The following ERGIC1 variants were observed in gnomAD, a reference collection of about 807,000 sequenced individuals.
ERGIC1 encodes the protein endoplasmic reticulum-Golgi intermediate compartment protein 1.
A neutral mutation model predicts 38.3 loss-of-function variants in ERGIC1; 19 were observed. The observed-to-expected ratio is 0.50, with a 90% confidence interval of 0.35 to 0.73. The LOEUF (loss-of-function observed/expected upper bound fraction) is 0.73, where lower values mean the gene tolerates loss of function less well. Among genes scored for constraint, ERGIC1 ranks in the 30% least tolerant of loss-of-function variants. ERGIC1 has a pLI of 0.01. For synonymous variants in ERGIC1, 124 were observed against 157.6 expected, an observed-to-expected ratio of 0.79 and a Z score of 1.60; for missense variants, 294 against 389.2, an observed-to-expected ratio of 0.76 and a Z score of 2.06.
chr5:172,842,941 C>A (rs530868903), intron 1 of ERGIC1, among the ~76,000 whole-genome samples: 1 of 152,206 alleles, frequency 6.6e-6, no homozygotes, highest in Admixed American at 6.5e-5. Context: ...GTCAGGAGTT[C>A]GAGACCAACC....
At chr5:172,854,886 GT>G (rs1344303641) in intron 1 of ERGIC1, among the ~76,000 whole-genome samples, 2 of 152,220 alleles carry the variant, frequency 1.3e-5, no homozygotes, top group Admixed American at 1.3e-4. Context: ...CTTAAGTCTT[GT>G]TTATATCCAT....
chr5:172,897,570 T>C (rs1243480631), intron 3 of ERGIC1, among the ~76,000 whole-genome samples: 1 of 152,212 alleles, frequency 6.6e-6, no homozygotes, highest in Admixed American at 6.5e-5. Context: ...AAAGTGAATA[T>C]TGCCTTGTTA....
Position 172,834,546 on chromosome 5 carries a change from C to T in ERGIC1, c.20+113C>T. 3 of 1,061,786 alleles carry T rather than the reference C, an allele frequency of 2.8e-6. No individual in the cohort carries two copies. The highest frequency in any genetic ancestry group is 2.4e-6 in the Non-Finnish European group (2 of 838,028). The allele number at this position is 1,061,786 out of a possible 1,614,324, so 65.8% of individuals were successfully genotyped here. ...TGCAAAAGCGGCTCCCCGCCCTGTG[C>T]ATGCCTCCGCAGGCCCCTAGGGACC... is the stretch of plus-strand genomic sequence containing the variant. On this transcript the variant is annotated intron_variant, in intron 1 of 9. Coordinates refer to ENST00000393784, the MANE Select transcript of ERGIC1 (RefSeq NM_001031711.3). This position sits in a 1 kb window ranked among gnomAD's most constrained non-coding sequence, Gnocchi z 4.1.
At chr5:172,910,654 A>G (rs1763183191) in intron 4 of ERGIC1, among the ~76,000 whole-genome samples, 1 of 151,388 alleles carries the variant, frequency 6.6e-6, no homozygotes, top group African/African-American at 2.4e-5. Flanking sequence ...CCTCCCGAGT[A>G]GCTGGGATTA....
intron 1 of ERGIC1, among the ~76,000 whole-genome samples, chr5:172,862,924 C>A (rs1398586949): frequency 1.3e-5 from 2 of 152,216 alleles, no homozygotes; most frequent in Non-Finnish European, 2.9e-5. Context: ...AAAGTTCTAG[C>A]ACAGAGCTAT....
In ERGIC1 at chr5:172,855,797, C is replaced by T. The variant is rs1295888356; in HGVS notation, c.20+21364C>T. ...CCCTGTCCTCAGCATAGAGAGGCCA[C>T]GCCTTGTGTTGGGGAGCCAGGTTCC... On this transcript the variant is annotated intron_variant, in intron 1 of 9. Coordinates refer to ENST00000393784, the MANE Select transcript of ERGIC1 (RefSeq NM_001031711.3). 2.6e-5 allele frequency among the ~76,000 whole-genome samples: 4 copies of T among 152,184 alleles called. No individual in the cohort carries two copies. The East Asian group carries it at 5.8e-4, about 22-fold the overall frequency.
chr5:172,948,346 CTA>C (rs964517586), intron 9 of ERGIC1, among the ~76,000 whole-genome samples: 22 of 152,330 alleles, frequency 1.4e-4, no homozygotes, highest in African/African-American at 5.1e-4. Flanking sequence ...CTCGCCTTTG[CTA>C]TGTCTCCCAG....
intron 1 of ERGIC1, among the ~76,000 whole-genome samples, chr5:172,839,232 C>T (rs1182338988): frequency 7.5e-6 from 1 of 132,660 alleles, no homozygotes; most frequent in South Asian, 2.5e-4. Context: ...CAGAGCGAGA[C>T]TCTGTCTCAA....
chr5:172,914,839 G>A lies in ERGIC1; in HGVS notation c.375+1G>A. 3 of 1,614,132 alleles carry A rather than the reference G, an allele frequency of 1.9e-6. No homozygotes were observed. Among genetic ancestry groups the A allele is most frequent in the Non-Finnish European group, 2.5e-6 (3 of 1,180,012 alleles). On this transcript the variant is annotated splice_donor_variant, in intron 5 of 9. Coordinates refer to ENST00000393784, the MANE Select transcript of ERGIC1 (RefSeq NM_001031711.3). LOFTEE classifies it high-confidence loss of function. Reference sequence around the variant, plus strand: ...CGAGGGGCAGTTCAGCATCAACAAGGTATGGAAGCCCTGCCTCAGCCCTTT... The same window carrying A: ...CGAGGGGCAGTTCAGCATCAACAAGATATGGAAGCCCTGCCTCAGCCCTTT...
In ERGIC1 at chr5:172,837,809, G is replaced by A. The variant is rs1761071488; in HGVS notation, c.20+3376G>A. Among the ~76,000 whole-genome samples the A allele has an allele frequency of 6.6e-6, 1 of 152,236 alleles. No individual in the cohort carries two copies. The highest frequency in any genetic ancestry group is 1.5e-5 in the Non-Finnish European group (1 of 68,038). ...ACTAATGGCTGGCTGTTGCAGTTGT[G>A]GAACTAGCCTTGTGACCCACATCCG... On this transcript the variant is annotated intron_variant, in intron 1 of 9. Transcript: ENST00000393784. This position sits in a 1 kb window ranked among gnomAD's most constrained non-coding sequence, Gnocchi z 4.3.
chr5:172,875,150 G>A (rs1368182453), intron 1 of ERGIC1, among the ~76,000 whole-genome samples: 2 of 152,136 alleles, frequency 1.3e-5, no homozygotes, highest in African/African-American at 2.4e-5. Context: ...CTATCTATAA[G>A]GGTGCTTTTT....
rs556360557 is a variant in ERGIC1, at chr5:172,834,587, C to T, written c.20+154C>T. On this transcript the variant is annotated intron_variant, in intron 1 of 9. Transcript: ENST00000393784. This position sits in a 1 kb window ranked among gnomAD's most constrained non-coding sequence, Gnocchi z 4.1. ...CCTAGGGACCCCAGGCGAGCCCCCC[C>T]CCTGCCGCACACGAAGCCAGCCAGA... 7.5e-6 allele frequency among the ~76,000 whole-genome samples: 1 copy of T among 132,944 alleles called. No homozygotes were observed. Among genetic ancestry groups the T allele is most frequent in the Non-Finnish European group, 1.6e-5 (1 of 60,656 alleles). 87.2% of individuals were successfully genotyped at this position (132,944 alleles called of 152,430 possible).
At chr5:172,915,245 G>C (rs572937009) in intron 5 of ERGIC1, 1 of 595,274 alleles carries the variant, frequency 1.7e-6, no homozygotes, top group Admixed American at 3.0e-5. Flanking sequence ...GTTTGTGTGG[G>C]GATTAAATGA....
At chr5:172,879,877 C>A (rs72811980) in intron 1 of ERGIC1, among the ~76,000 whole-genome samples, 2,237 of 152,246 alleles carry the variant, frequency 0.015, 33 homozygotes, top group Non-Finnish European at 0.024. Flanking sequence ...TTTAGCAGTA[C>A]CCCTGGCCTC....
intron 5 of ERGIC1, chr5:172,916,053 A>G (rs1029998563): frequency 1.7e-5 from 3 of 178,782 alleles, no homozygotes; most frequent in African/African-American, 7.2e-5. Flanking sequence ...CCTGGCACCA[A>G]TGGGCAGTGT....
At chr5:172,841,784 G>C (rs1761167462) in intron 1 of ERGIC1, among the ~76,000 whole-genome samples, 1 of 152,112 alleles carries the variant, frequency 6.6e-6, no homozygotes, top group Non-Finnish European at 1.5e-5. Context: ...CATGTCATTG[G>C]ACTTATAAAA....
chr5:172,860,287 G>T (rs1464741778), intron 1 of ERGIC1, among the ~76,000 whole-genome samples: 1 of 152,208 alleles, frequency 6.6e-6, no homozygotes, highest in African/African-American at 2.4e-5. Context: ...AAGGACTTTG[G>T]TGATGGTGAT....
At chr5:172,875,590 A>G (rs541010370) in intron 1 of ERGIC1, among the ~76,000 whole-genome samples, 1 of 152,208 alleles carries the variant, frequency 6.6e-6, no homozygotes, top group South Asian at 2.1e-4. Flanking sequence ...AACAAGGTCT[A>G]CCTATTGCCT....
chr5:172,857,667 C>T (rs941131040), intron 1 of ERGIC1, among the ~76,000 whole-genome samples: 1 of 148,426 alleles, frequency 6.7e-6, no homozygotes, highest in Non-Finnish European at 1.5e-5. Context: ...CAGCCATGGC[C>T]ACGTGGTCAT....
Sources: allele counts gnomAD v4.1 joint callset (sites outside exome capture counted in the v4.1 genomes callset), GRCh38; gene constraint gnomAD v4.1.1; non-coding constraint Gnocchi (gnomAD v3.1); transcripts MANE v1.5; gene names NCBI Gene and HGNC (gene_info 2026-07-23, HGNC 2026-07-21).